Variants in ATP13A3 observed in about 807,000 individuals in gnomAD.
The protein encoded by ATP13A3 is polyamine-transporting ATPase 13A3.
Under a neutral mutation model 158.1 loss-of-function variants are expected in ATP13A3, and 59 were observed. The ratio of observed to expected loss-of-function variants is 0.37; its 90% CI spans 0.30 to 0.46. ATP13A3 has a LOEUF of 0.46. ATP13A3 is among the 20% of genes least tolerant of loss of function. ATP13A3 has a pLI of 1.00. For missense variants in ATP13A3, 1,166 were observed against 1,525.2 expected, an observed-to-expected ratio of 0.76 and a Z score of 3.92; for synonymous variants, 491 against 504.3, an observed-to-expected ratio of 0.97 and a Z score of 0.35.
At chr3:194,433,721 T>G (rs757981846) in intron 21 of ATP13A3, 51 bp downstream of exon 21, 1 of 1,603,736 alleles carries the variant, frequency 6.2e-7, no homozygotes, top group South Asian at 1.1e-5. Context: ...ATAATATAAC[T>G]TCAGCTCTGT....
At chr3:194,467,308 T>A (rs1720051235) in intron 2 of ATP13A3, among the ~76,000 whole-genome samples, 1 of 152,246 alleles carries the variant, frequency 6.6e-6, no homozygotes, top group African/African-American at 2.4e-5. Context: ...CTTCTACAGT[T>A]AGACCACATA....
intron 24 of ATP13A3, 140 bp from the exon 25 acceptor site, chr3:194,430,455 A>C (rs1197326798): frequency 1.0e-5 from 10 of 956,418 alleles, no homozygotes; most frequent in Admixed American, 2.2e-5. Context: ...TCTTTTCACT[A>C]TAATGAACAC....
At position 194,437,404 on chromosome 3, in the gene ATP13A3, T is replaced by C; in HGVS notation, c.1906A>G (p.Ser636Gly). 3.1e-6 allele frequency: 5 copies of C among 1,614,124 alleles called. No individual in the cohort carries two copies. The highest frequency in any genetic ancestry group is 4.2e-6 in the Non-Finnish European group (5 of 1,180,030). The change falls in exon 19 of 34, where the codon AGT becomes GGT. Residue 636 changes from serine to glycine, a missense_variant. Physicochemically the swap from Ser to Gly is moderately conservative, Grantham distance 56 (BLOSUM62 0). This residue lies in a region of ATP13A3 where 997 missense variants were observed against 1,341.2 expected (regional missense o/e 0.74). Coordinates refer to ENST00000645319, the MANE Select transcript of ATP13A3 (RefSeq NM_001367549.1). ...FPFSSALQRM[S>G]VVARVLGDRK... ...TCCCCCAGCACCCTGGCAACCACAC[T>C]CATACGTTGCAAAGCAGAAGAAAAT...
intron 20 of ATP13A3, among the ~76,000 whole-genome samples, chr3:194,435,123 T>C (rs530846649): frequency 4.3e-4 from 66 of 152,272 alleles, no homozygotes; most frequent in Non-Finnish European, 2.9e-4. Flanking sequence ...TCTAAAATCT[T>C]TGAAACACCT....
intron 20 of ATP13A3, among the ~76,000 whole-genome samples, chr3:194,435,989 C>T (rs1262810902): frequency 2.0e-5 from 3 of 152,204 alleles, no homozygotes; most frequent in Non-Finnish European, 4.4e-5. Flanking sequence ...GTCTTATCCC[C>T]TAGCACCCTT....
chr3:194,476,214 C>T (rs1026417533), intron 2 of ATP13A3, among the ~76,000 whole-genome samples: 6 of 152,176 alleles, frequency 3.9e-5, no homozygotes, highest in African/African-American at 1.4e-4. Context: ...TTCCTCTGCC[C>T]GCTTCTTAAT....
At chr3:194,436,269 AG>A (rs1265981032) in intron 20 of ATP13A3, among the ~76,000 whole-genome samples, 4 of 152,316 alleles carry the variant, frequency 2.6e-5, no homozygotes, top group Non-Finnish European at 4.4e-5. Flanking sequence ...CTATCCTCCA[AG>A]GTAGGTCTGT....
At chr3:194,492,823 T>A (rs1461149099) in intron 2 of ATP13A3, among the ~76,000 whole-genome samples, 1 of 152,218 alleles carries the variant, frequency 6.6e-6, no homozygotes, top group Non-Finnish European at 1.5e-5. Context: ...CATATTTTTA[T>A]GTATAGTATT....
chr3:194,435,332 G>A (rs771547921), intron 20 of ATP13A3, among the ~76,000 whole-genome samples: 6 of 152,150 alleles, frequency 3.9e-5, no homozygotes, highest in South Asian at 2.1e-4. Flanking sequence ...GCTTCAGCTC[G>A]TCTCCTAACT....
At position 194,430,908 on chromosome 3, in the gene ATP13A3, C is replaced by T. The variant is rs776094173; in HGVS notation, c.2624+35G>A. On this transcript the variant is annotated intron_variant, in intron 24 of 33. Transcript: ENST00000645319. ...ATGCTGAAATGAAACCATCATTCATCAAAAACCAAAACCAAAAAAGACACC... is the reference window on the plus strand; with the variant it reads ...ATGCTGAAATGAAACCATCATTCATTAAAAACCAAAACCAAAAAAGACACC... 7.8e-6 allele frequency: 12 copies of T among 1,532,650 alleles called. No homozygotes were observed. In the South Asian group the frequency reaches 1.4e-4, roughly 18 times the overall value. 94.9% of individuals were successfully genotyped at this position (1,532,650 alleles called of 1,614,324 possible).
intron 6 of ATP13A3, among the ~76,000 whole-genome samples, chr3:194,458,872 A>T (rs1269765655): frequency 6.6e-6 from 1 of 152,198 alleles, no homozygotes; most frequent in African/African-American, 2.4e-5. Flanking sequence ...AAATGTTCAT[A>T]ACATGATTTT....
At chr3:194,473,653 C>A (rs1720405652) in intron 2 of ATP13A3, among the ~76,000 whole-genome samples, 1 of 152,044 alleles carries the variant, frequency 6.6e-6, no homozygotes, top group South Asian at 2.1e-4. Context: ...AAATTTAAAA[C>A]CTATACACTT....
At chr3:194,433,128 C>A (rs1717348355) in intron 21 of ATP13A3, among the ~76,000 whole-genome samples, 2 of 151,372 alleles carry the variant, frequency 1.3e-5, no homozygotes, top group African/African-American at 2.4e-5. Context: ...GAAAACAAAT[C>A]TACAAATAAC....
chr3:194,482,845 C>T (rs1338655306), intron 2 of ATP13A3, among the ~76,000 whole-genome samples: 6 of 152,018 alleles, frequency 3.9e-5, no homozygotes, highest in African/African-American at 7.3e-5. Context: ...TGGTGGCTCA[C>T]GCCTGTAATC....
Position 194,448,089 on chromosome 3 carries a change from T to C in ATP13A3, c.1151-80A>G, listed in dbSNP as rs1718529493. ...TCCCAAAACAGAATCTCTCTTTTTT[T>C]TTTTTTGAGACAGAGTCTCGCTCTG... On this transcript the variant is annotated intron_variant, in intron 12 of 33. Coordinates refer to ENST00000645319, the MANE Select transcript of ATP13A3 (RefSeq NM_001367549.1). This position sits in a 1 kb window ranked among gnomAD's most constrained non-coding sequence, Gnocchi z 4.0. 1 of 1,394,118 alleles carries C rather than the reference T, an allele frequency of 7.2e-7. No homozygotes were observed. Among genetic ancestry groups the C allele is most frequent in the African/African-American group, 1.5e-5 (1 of 68,130 alleles). 86.4% of individuals were successfully genotyped at this position (1,394,118 alleles called of 1,614,324 possible). A position where few individuals can be genotyped will look rare whatever the true frequency, so the allele number is the denominator to read the frequency against.
At chr3:194,425,060 TC>T (rs1452001557) in intron 30 of ATP13A3, among the ~76,000 whole-genome samples, 2 of 152,104 alleles carry the variant, frequency 1.3e-5, no homozygotes, top group African/African-American at 4.8e-5. Context: ...CGTCTCCACT[TC>T]CCATCCTAAC....
At position 194,450,283 on chromosome 3, in the gene ATP13A3, T is replaced by A; in HGVS notation, c.839-7A>T. On this transcript the variant is annotated splice_polypyrimidine_tract_variant and splice_region_variant and intron_variant, in intron 10 of 33. Coordinates refer to ENST00000645319, the MANE Select transcript of ATP13A3 (RefSeq NM_001367549.1). ...GAAAAGATTTCTTCTATTTCTGAAA[T>A]TAAAGAAAGAAAGAAAAATCTGAAA... is the stretch of plus-strand genomic sequence containing the variant. The A allele has an allele frequency of 6.2e-7, 1 of 1,608,756 alleles. No individual in the cohort carries two copies. The highest frequency in any genetic ancestry group is 8.5e-7 in the Non-Finnish European group (1 of 1,176,446).
intron 33 of ATP13A3, among the ~76,000 whole-genome samples, chr3:194,408,336 T>G (rs1448189006): frequency 1.3e-5 from 2 of 152,204 alleles, no homozygotes; most frequent in Non-Finnish European, 2.9e-5. Flanking sequence ...CTGTCACTTT[T>G]AAGTAGCACT....
In ATP13A3 at chr3:194,412,299, T is replaced by G. The variant is rs1258632674; in HGVS notation, c.3484-11A>C. ...GTCAAGGAAGAAGTTCTGAGAGATA[T>G]TCCAGTGAGTTAAGAATTAATAATG... is the stretch of plus-strand genomic sequence containing the variant. On this transcript the variant is annotated splice_polypyrimidine_tract_variant and intron_variant, in intron 32 of 33. Transcript: ENST00000645319. The G allele has an allele frequency of 2.0e-6, 3 of 1,528,990 alleles. No individual in the cohort carries two copies. Among genetic ancestry groups the G allele is most frequent in the South Asian group, 2.4e-5 (2 of 83,914 alleles). 94.7% of individuals were successfully genotyped at this position (1,528,990 alleles called of 1,614,324 possible). A position where few individuals can be genotyped will look rare whatever the true frequency, so the allele number is the denominator to read the frequency against.
Sources: gnomAD v4.1 joint callset for allele counts (sites outside exome capture counted in the v4.1 genomes callset) on GRCh38, gnomAD v4.1.1 for gene constraint, gnomAD v4.1.1 regional missense constraint, Gnocchi (gnomAD v3.1) non-coding constraint, MANE v1.5 for transcripts, NCBI Gene and HGNC (gene_info 2026-07-23, HGNC 2026-07-21) for gene names.